ATAD2B: variants seen among roughly 807,000 people sequenced by gnomAD.
The protein encoded by ATAD2B is ATPase family AAA domain containing 2B.
Under a neutral mutation model 167.6 loss-of-function variants are expected in ATAD2B, and 40 were observed. The observed-to-expected ratio is 0.24, with a 90% CI of 0.19 to 0.31. The LOEUF is 0.31. ATAD2B is among the 10% of genes least tolerant of loss of function. The pLI, the probability that ATAD2B is intolerant of heterozygous loss-of-function variation, is 1.00. For missense variants in ATAD2B, 1,242 were observed against 1,757.2 expected, an observed-to-expected ratio of 0.71 and a Z score of 5.24; for synonymous variants, 579 against 596.5, an observed-to-expected ratio of 0.97 and a Z score of 0.43.
intron 8 of ATAD2B, among the ~76,000 whole-genome samples, chr2:23,875,505 CA>C (rs1358980090): frequency 1.8e-4 from 4 of 22,816 alleles, no homozygotes; most frequent in Admixed American, 1.2e-3. Flanking sequence ...GACTCCGTCT[CA>C]AAAAAAAAAG....
intron 1 of ATAD2B, among the ~76,000 whole-genome samples, chr2:23,900,074 C>T (rs896888753): frequency 4.6e-5 from 7 of 151,546 alleles, no homozygotes; most frequent in Non-Finnish European, 1.0e-4. Flanking sequence ...CATGCCACCA[C>T]GCCCAGCTAA....
intron 1 of ATAD2B, among the ~76,000 whole-genome samples, chr2:23,925,733 T>C (rs1265010191): frequency 6.6e-6 from 1 of 152,246 alleles, no homozygotes; most frequent in Non-Finnish European, 1.5e-5. Flanking sequence ...CGTCTTTAAA[T>C]GTCATTTTTG....
At position 23,921,146 on chromosome 2, in the gene ATAD2B, C is replaced by T. The variant is rs143544191; in HGVS notation, c.216+5409G>A. ...GCTTGAACCTGGGAAGCGGAGGTTG[C>T]AGTAAGCTAAGATTGTACCACTATA... On this transcript the variant is annotated intron_variant, in intron 1 of 27. Transcript: ENST00000238789. Among the ~76,000 whole-genome samples the T allele has an allele frequency of 2.8e-3, 329 of 117,420 alleles. 2 individuals carry two copies. The highest frequency in any genetic ancestry group is 0.01 in the African/African-American group (319 of 30,412). 77.0% of individuals were successfully genotyped at this position (117,420 alleles called of 152,430 possible).
chr2:23,740,683 T>A, the ATAD2B span, among the ~76,000 whole-genome samples: 100 of 152,258 alleles, frequency 6.6e-4, no homozygotes, highest in East Asian at 5.8e-3. Flanking sequence ...TTCAACATAG[T>A]GTTGGAAGTT....
chr2:23,713,351 T>C, the ATAD2B span, among the ~76,000 whole-genome samples: 5 of 152,248 alleles, frequency 3.3e-5, no homozygotes, highest in South Asian at 1.0e-3. Flanking sequence ...GCCTTATTTT[T>C]AAACCCTTAT....
rs1470735748 is a variant in ATAD2B, at chr2:23,901,369, T to C, written c.217-5399A>G. On this transcript the variant is annotated intron_variant, in intron 1 of 27. Transcript: ENST00000238789. ...CCTATCTCAGGACCCTTTTTTTTTT[T>C]TTCTTCATGAAATCTCCCTGAAGAA... is the stretch of plus-strand genomic sequence containing the variant. Among the ~76,000 whole-genome samples, 3 of 149,600 alleles carry C rather than the reference T, an allele frequency of 2.0e-5. No homozygotes were observed. In the East Asian group the frequency reaches 5.8e-4, roughly 29 times the overall value.
Position 23,768,336 on chromosome 2 carries a change from C to A in ATAD2B, c.3134-2708G>T, listed in dbSNP as rs200869581. Among the ~76,000 whole-genome samples the A allele has an allele frequency of 3.9e-5, 6 of 152,080 alleles. No individual in the cohort carries two copies. The East Asian group carries it at 1.2e-3, about 29-fold the overall frequency. On this transcript the variant is annotated intron_variant, in intron 22 of 27. Transcript: ENST00000238789. ...ACTGCTTGAGCCCAGGAGTTTAAGA[C>A]CAGCCTGGGCAACATGGCGAGCCAC...
chr2:23,879,940 C>G (rs1262570943), intron 7 of ATAD2B, among the ~76,000 whole-genome samples: 1 of 151,836 alleles, frequency 6.6e-6, no homozygotes, highest in Non-Finnish European at 1.5e-5. Context: ...CACCTGTAAT[C>G]CCAGCTACTC....
the ATAD2B span, among the ~76,000 whole-genome samples, chr2:23,736,928 A>C: frequency 6.6e-6 from 1 of 152,238 alleles, no homozygotes; most frequent in African/African-American, 2.4e-5. Flanking sequence ...CCTATGCCCA[A>C]GGAGTCTCCC....
At chr2:23,857,544 T>C in intron 12 of ATAD2B, 41 bp from the exon 13 acceptor site, 1 of 1,005,048 alleles carries the variant, frequency 9.9e-7, no homozygotes, top group Admixed American at 3.8e-5. Context: ...GTATTTGTTT[T>C]CATTTTTAAA....
the ATAD2B span, chr2:23,707,732 A>C: frequency 6.6e-6 from 1 of 152,382 alleles, no homozygotes; most frequent in South Asian, 2.1e-4. Flanking sequence ...TATAAAGCAC[A>C]GGAGACTATT....
At chr2:23,826,083 C>A (rs1351367129) in intron 15 of ATAD2B, among the ~76,000 whole-genome samples, 1 of 151,994 alleles carries the variant, frequency 6.6e-6, no homozygotes, top group Non-Finnish European at 1.5e-5. Flanking sequence ...TCTGAATAAA[C>A]ACTGAAACTG....
At chr2:23,880,538 G>C in intron 7 of ATAD2B, 101 bp downstream of exon 7, 1 of 674,844 alleles carries the variant, frequency 1.5e-6, no homozygotes, top group South Asian at 1.9e-5. Context: ...ACTCCAGCCT[G>C]GGCGATGGAG....
chr2:23,858,641 G>A (rs528266107), intron 12 of ATAD2B, among the ~76,000 whole-genome samples: 6 of 151,738 alleles, frequency 4.0e-5, no homozygotes, highest in African/African-American at 9.7e-5. Context: ...GGACCAACAC[G>A]CCCAGCTAAT....
chr2:23,883,348 T>C (rs891907917), intron 6 of ATAD2B, among the ~76,000 whole-genome samples: 3 of 151,580 alleles, frequency 2.0e-5, no homozygotes, highest in African/African-American at 7.3e-5. Flanking sequence ...AAGCATTATT[T>C]GAAAAATTTT....
In ATAD2B at chr2:23,749,249, G is replaced by A. The variant is rs577741267; in HGVS notation, c.*2797C>T. The A allele has an allele frequency of 2.0e-5, 3 of 151,916 alleles. No homozygotes were observed. Among genetic ancestry groups the A allele is most frequent in the South Asian group, 2.1e-4 (1 of 4,808 alleles). 9.4% of individuals were successfully genotyped at this position (151,916 alleles called of 1,614,324 possible). On this transcript the variant is annotated 3_prime_UTR_variant, in exon 28 of 28. Transcript: ENST00000238789. ...CAGCCATCAGTTTCAACCCTAGTGC[G>A]GTTCCATCATCTTCAAAAAGCCCCC...
intron 1 of ATAD2B, among the ~76,000 whole-genome samples, chr2:23,917,158 C>T (rs1361139622): frequency 1.3e-5 from 2 of 152,170 alleles, no homozygotes; most frequent in Non-Finnish European, 2.9e-5. Flanking sequence ...GTAGTAGCTG[C>T]TCGATATTTA....
At chr2:23,758,185 A>G in intron 24 of ATAD2B, 84 bp from the exon 25 acceptor site, 1 of 1,160,424 alleles carries the variant, frequency 8.6e-7, no homozygotes. Flanking sequence ...AGGACCCAAA[A>G]GAAAGTAAAC....
At chr2:23,775,422 C>T (rs2149360529) in intron 22 of ATAD2B, among the ~76,000 whole-genome samples, 1 of 152,054 alleles carries the variant, frequency 6.6e-6, no homozygotes. Context: ...CCATGTTAGC[C>T]AGGATGGTCT....
Sources: allele counts gnomAD v4.1 joint callset (sites outside exome capture counted in the v4.1 genomes callset), GRCh38; gene constraint gnomAD v4.1.1; transcripts MANE v1.5; gene names NCBI Gene and HGNC (gene_info 2026-07-23, HGNC 2026-07-21).